Variants in KCNH8 observed in about 807,000 individuals in gnomAD.
KCNH8 encodes voltage-gated delayed rectifier potassium channel KCNH8.
KCNH8 carries 70 observed loss-of-function variants against 103.6 expected under a neutral mutation model. The observed-to-expected ratio is 0.68, with a 90% CI of 0.56 to 0.82. The LOEUF (loss-of-function observed/expected upper bound fraction) is 0.82. KCNH8 is among the 40% of genes least tolerant of loss of function. The pLI, the probability that KCNH8 is intolerant of heterozygous loss-of-function variation, is 0.00. For synonymous variants in KCNH8, 498 were observed against 489.4 expected, an observed-to-expected ratio of 1.02 and a Z score of -0.23; for missense variants, 1,217 against 1,329.9, an observed-to-expected ratio of 0.92 and a Z score of 1.32.
At chr3:19,376,710 T>C (rs1348766370) in intron 5 of KCNH8, among the ~76,000 whole-genome samples, 1 of 152,244 alleles carries the variant, frequency 6.6e-6, no homozygotes, top group Non-Finnish European at 1.5e-5. Flanking sequence ...ATTTTGGTGC[T>C]ATTTCTTTGG....
chr3:19,190,252 A>G (rs888342857), intron 1 of KCNH8, among the ~76,000 whole-genome samples: 8 of 151,886 alleles, frequency 5.3e-5, no homozygotes, highest in Admixed American at 5.3e-4. Context: ...GAAAAATTTT[A>G]TTCACTTCCT....
chr3:19,317,462 A>C (rs751996327), intron 3 of KCNH8, among the ~76,000 whole-genome samples: 2 of 151,930 alleles, frequency 1.3e-5, no homozygotes, highest in Non-Finnish European at 2.9e-5. Flanking sequence ...GGGCAGAACT[A>C]GGTGTTCATT....
At chr3:19,469,153 C>T (rs952432836) in intron 11 of KCNH8, among the ~76,000 whole-genome samples, 1 of 152,144 alleles carries the variant, frequency 6.6e-6, no homozygotes, top group East Asian at 1.9e-4. Flanking sequence ...TAATTCTTCA[C>T]TTTTCTGAGA....
intron 5 of KCNH8, among the ~76,000 whole-genome samples, chr3:19,367,034 C>T (rs927150934): frequency 4.0e-5 from 6 of 151,850 alleles, no homozygotes; most frequent in African/African-American, 1.5e-4. Context: ...AGGGTCTTGA[C>T]TCCTTATTTC....
intron 7 of KCNH8, among the ~76,000 whole-genome samples, chr3:19,407,457 A>T (rs1466133997): frequency 6.6e-6 from 1 of 151,988 alleles, no homozygotes; most frequent in Non-Finnish European, 1.5e-5. Flanking sequence ...ACCTACGCAG[A>T]TCTCCAGTAA....
intron 3 of KCNH8, among the ~76,000 whole-genome samples, chr3:19,290,804 A>G (rs2125281528): frequency 6.6e-6 from 1 of 152,294 alleles, no homozygotes; most frequent in East Asian, 1.9e-4. Flanking sequence ...ATTGATTGGA[A>G]TAGTTTCAGA....
intron 3 of KCNH8, among the ~76,000 whole-genome samples, chr3:19,314,499 C>T (rs191609067): frequency 3.3e-5 from 5 of 151,860 alleles, no homozygotes; most frequent in East Asian, 1.9e-4. Context: ...GAGCCCAGAA[C>T]GTTGATGCTA....
intron 3 of KCNH8, among the ~76,000 whole-genome samples, chr3:19,287,812 G>C (rs905186528): frequency 1.3e-5 from 2 of 150,766 alleles, no homozygotes; most frequent in Admixed American, 6.6e-5. Context: ...TCTCGATCTT[G>C]TGACCTCGTG....
At chr3:19,514,974 G>A (rs985772254) in intron 13 of KCNH8, among the ~76,000 whole-genome samples, 24 of 151,568 alleles carry the variant, frequency 1.6e-4, no homozygotes, top group Non-Finnish European at 2.8e-4. Flanking sequence ...ATTTTTAAGC[G>A]TGATAAAAGT....
Position 19,314,085 on chromosome 3 carries a change from A to G in KCNH8, c.443-28502A>G, listed in dbSNP as rs571910085. ...TGAAGTTTAATTTCTGAAAGTTTCA[A>G]TAAAGCTGGGTCATCATACTTTCTC... On this transcript the variant is annotated intron_variant, in intron 3 of 15. Transcript: ENST00000328405. Among the ~76,000 whole-genome samples the G allele has an allele frequency of 1.2e-3, 184 of 152,048 alleles. 7 individuals are homozygous for G. Among genetic ancestry groups the G allele is most frequent in the Non-Finnish European group, 9.6e-4 (65 of 67,972 alleles).
At chr3:19,492,139 TTG>T (rs1416150889) in intron 11 of KCNH8, among the ~76,000 whole-genome samples, 1 of 152,160 alleles carries the variant, frequency 6.6e-6, no homozygotes, top group Non-Finnish European at 1.5e-5. Flanking sequence ...GTTTACTCTC[TTG>T]ATAGTTTCTT....
At chr3:19,502,723 T>C (rs1470636113) in intron 11 of KCNH8, among the ~76,000 whole-genome samples, 5 of 150,432 alleles carry the variant, frequency 3.3e-5, no homozygotes, top group South Asian at 2.1e-4. Flanking sequence ...TGGCTAGCCA[T>C]ATGTAGAAAG....
intron 8 of KCNH8, among the ~76,000 whole-genome samples, chr3:19,441,588 T>A (rs948149054): frequency 6.6e-6 from 1 of 152,168 alleles, no homozygotes; most frequent in Non-Finnish European, 1.5e-5. Flanking sequence ...TCCTTAAATA[T>A]GTAAAGGGAA....
At position 19,274,842 on chromosome 3, in the gene KCNH8, ACCCCT is replaced by A. The variant is rs1183381486; in HGVS notation, c.311-6341_311-6337del. ...TTCCCTTCCCTTCCCTCCCCTCCCC[ACCCCT>A]CCCCTCCCCTCCCCACCCCTCCCCT... On this transcript the variant is annotated intron_variant, in intron 2 of 15. Transcript: ENST00000328405. 8.9e-3 allele frequency among the ~76,000 whole-genome samples: 73 copies of A among 8,220 alleles called. 2 individuals are homozygous for A. The highest frequency in any genetic ancestry group is 0.037 in the African/African-American group (64 of 1,740). 5.4% of individuals were successfully genotyped at this position (8,220 alleles called of 152,430 possible).
At chr3:19,287,021 CAAAT>C (rs1410236439) in intron 3 of KCNH8, among the ~76,000 whole-genome samples, 5 of 150,430 alleles carry the variant, frequency 3.3e-5, no homozygotes, top group Non-Finnish European at 5.9e-5. Context: ...GTCTTATAGG[CAAAT>C]AGACATGAGG....
intron 3 of KCNH8, among the ~76,000 whole-genome samples, chr3:19,307,208 A>G (rs985670697): frequency 1.3e-5 from 2 of 152,004 alleles, no homozygotes; most frequent in Admixed American, 1.3e-4. Flanking sequence ...AGCAAAACAA[A>G]AGAAAAAAAA....
chr3:19,329,242 C>A (rs1311952110), intron 3 of KCNH8, among the ~76,000 whole-genome samples: 1 of 152,146 alleles, frequency 6.6e-6, no homozygotes, highest in Admixed American at 6.6e-5. Flanking sequence ...GAAAGCTGAT[C>A]ACATACTATA....
intron 1 of KCNH8, among the ~76,000 whole-genome samples, chr3:19,189,854 T>A (rs1430347219): frequency 6.6e-6 from 1 of 152,078 alleles, no homozygotes; most frequent in East Asian, 1.9e-4. Flanking sequence ...GATTTTATAT[T>A]TTAATTGCTA....
intron 10 of KCNH8, among the ~76,000 whole-genome samples, chr3:19,452,865 A>G (rs574454647): frequency 1.0e-3 from 153 of 152,236 alleles, no homozygotes; most frequent in African/African-American, 3.5e-3. Flanking sequence ...TGTCTAAACA[A>G]TATCTATTTT....
Sources: gnomAD v4.1 joint callset for allele counts (sites outside exome capture counted in the v4.1 genomes callset) on GRCh38, gnomAD v4.1.1 for gene constraint, MANE v1.5 for transcripts, NCBI Gene and HGNC (gene_info 2026-07-23, HGNC 2026-07-21) for gene names.